The following OXR1 variants were observed in gnomAD, a reference collection of about 807,000 sequenced individuals.
The protein encoded by OXR1 is oxidation resistance protein 1.
In OXR1, 41 loss-of-function variants were observed where a neutral mutation model predicts 104.6. That is an observed-to-expected ratio of 0.39 (90% CI 0.31 to 0.51). OXR1 has a LOEUF of 0.51. OXR1 is among the 20% of genes least tolerant of loss of function. The pLI, the probability that OXR1 is intolerant of heterozygous loss-of-function variation, is 0.77. For missense variants in OXR1, 955 were observed against 1,031.9 expected (o/e 0.93, Z 1.02); for synonymous variants, 348 against 348.4 (o/e 1.00, Z 0.01).
intron 2 of OXR1, among the ~76,000 whole-genome samples, chr8:106,397,678 C>T (rs898352993): frequency 7.3e-5 from 11 of 151,696 alleles, no homozygotes; most frequent in Non-Finnish European, 8.8e-5. Context: ...AAGGTTTTAC[C>T]TCAACTTTTT....
chr8:106,305,934 G>A (rs1470305253), intron 1 of OXR1, among the ~76,000 whole-genome samples: 1 of 152,144 alleles, frequency 6.6e-6, no homozygotes, highest in African/African-American at 2.4e-5. Context: ...TACCTCAGGA[G>A]AGGATATAAG....
At chr8:106,351,044 T>G (rs2130307020) in intron 1 of OXR1, among the ~76,000 whole-genome samples, 1 of 152,316 alleles carries the variant, frequency 6.6e-6, no homozygotes, top group South Asian at 2.1e-4. Flanking sequence ...AGTATAGACA[T>G]TTTAGGAGTC....
At chr8:106,597,145 ATG>A (rs938427763) in intron 3 of OXR1, among the ~76,000 whole-genome samples, 10 of 152,138 alleles carry the variant, frequency 6.6e-5, no homozygotes, top group African/African-American at 2.2e-4. Context: ...TATGGTCTGA[ATG>A]TTTATGTCTC....
chr8:106,413,138 G>GA (rs11287871), intron 2 of OXR1, among the ~76,000 whole-genome samples: 18 of 150,120 alleles, frequency 1.2e-4, no homozygotes, highest in South Asian at 2.1e-4. Context: ...TACTTTTGTA[G>GA]AAAAAAAAAA....
chr8:106,531,764 G>A (rs1014893445), intron 3 of OXR1, among the ~76,000 whole-genome samples: 2 of 152,156 alleles, frequency 1.3e-5, no homozygotes, highest in African/African-American at 2.4e-5. Flanking sequence ...AAAAAGGTAC[G>A]TGGTGTGCTG....
In OXR1 at chr8:106,447,940, CG is replaced by C. The variant is rs1423506704; in HGVS notation, c.24-70999del. The stretch of plus-strand genomic sequence containing the variant: ...GGTGGAGCTAACGAGACATCTAGTA[CG>C]GGGCTCACAGGTAACAGAACTCTGA... On this transcript the variant is annotated intron_variant, in intron 2 of 16. Coordinates refer to ENST00000517566, the MANE Select transcript of OXR1 (RefSeq NM_001198533.2). The C allele has an allele frequency of 2.0e-6, 3 of 1,533,972 alleles. No individual in the cohort carries two copies. The African/African-American group carries it at 4.1e-5, about 21-fold the overall frequency.
At chr8:106,520,807 T>C (rs1813200198) in intron 3 of OXR1, among the ~76,000 whole-genome samples, 1 of 152,212 alleles carries the variant, frequency 6.6e-6, no homozygotes, top group South Asian at 2.1e-4. Flanking sequence ...ACACAATTAG[T>C]ATTTTTTCCT....
intron 1 of OXR1, among the ~76,000 whole-genome samples, chr8:106,336,433 T>C (rs1242142807): frequency 1.3e-5 from 2 of 152,232 alleles, no homozygotes; most frequent in African/African-American, 2.4e-5. Flanking sequence ...TCACTCCCTA[T>C]TGAAGCAGTA....
intron 1 of OXR1, among the ~76,000 whole-genome samples, chr8:106,278,805 G>A (rs906616947): frequency 2.0e-5 from 3 of 152,104 alleles, no homozygotes; most frequent in African/African-American, 7.2e-5. Flanking sequence ...ATAAATAAAT[G>A]TAAGTGCCTT....
chr8:106,387,423 T>C (rs1817421263), intron 2 of OXR1, among the ~76,000 whole-genome samples: 1 of 152,210 alleles, frequency 6.6e-6, no homozygotes, highest in Non-Finnish European at 1.5e-5. Flanking sequence ...TTTTCCAGGT[T>C]GCACTAGGAG....
intron 2 of OXR1, among the ~76,000 whole-genome samples, chr8:106,487,355 T>TTTTA (rs398009247): frequency 2.7e-5 from 4 of 149,864 alleles, no homozygotes; most frequent in Admixed American, 6.6e-5. Flanking sequence ...TTTTTTTTTT[T>TTTTA]ATGCTGTTTA....
chr8:106,651,250 A>T (rs1490032565), intron 3 of OXR1, among the ~76,000 whole-genome samples: 1 of 152,180 alleles, frequency 6.6e-6, no homozygotes, highest in East Asian at 1.9e-4. Context: ...AATGGTATTT[A>T]TTGGCAGATA....
intron 2 of OXR1, among the ~76,000 whole-genome samples, chr8:106,480,404 A>G (rs1822043087): frequency 6.6e-6 from 1 of 152,034 alleles, no homozygotes; most frequent in East Asian, 1.9e-4. Context: ...TTAACTTGGC[A>G]TATGGAAAAA....
At chr8:106,592,818 A>AT (rs1819200394) in intron 3 of OXR1, among the ~76,000 whole-genome samples, 1 of 152,170 alleles carries the variant, frequency 6.6e-6, no homozygotes, top group African/African-American at 2.4e-5. Flanking sequence ...CACCAACCTG[A>AT]TTTATGGTAT....
chr8:106,644,107 A>T (rs1823881622), intron 3 of OXR1, among the ~76,000 whole-genome samples: 1 of 152,222 alleles, frequency 6.6e-6, no homozygotes, highest in Admixed American at 6.5e-5. Flanking sequence ...CCAAATTTTT[A>T]AACTGGGAGG....
intron 3 of OXR1, among the ~76,000 whole-genome samples, chr8:106,574,193 C>G (rs2130580881): frequency 6.6e-6 from 1 of 152,012 alleles, no homozygotes; most frequent in Admixed American, 6.6e-5. Context: ...TACTAATTTG[C>G]TCCTATAAAA....
intron 11 of OXR1, among the ~76,000 whole-genome samples, chr8:106,714,327 G>T (rs553438959): frequency 7.9e-5 from 12 of 151,970 alleles, no homozygotes; most frequent in Non-Finnish European, 1.8e-4. Context: ...ATAAAACATC[G>T]ATTTCACATC....
chr8:106,443,289 T>A (rs189760751), intron 2 of OXR1, among the ~76,000 whole-genome samples: 1 of 150,988 alleles, frequency 6.6e-6, no homozygotes, highest in Non-Finnish European at 1.5e-5. Flanking sequence ...TAATTTCAGG[T>A]TTTTTTTTGC....
chr8:106,552,243 C>T (rs543167861), intron 3 of OXR1, among the ~76,000 whole-genome samples: 1 of 151,964 alleles, frequency 6.6e-6, no homozygotes, highest in South Asian at 2.1e-4. Context: ...TTTCTGCTTG[C>T]CTGTAGATCA....
Sources: gnomAD v4.1 joint callset for allele counts (sites outside exome capture counted in the v4.1 genomes callset) on GRCh38, gnomAD v4.1.1 for gene constraint, MANE v1.5 for transcripts, NCBI Gene and HGNC (gene_info 2026-07-23, HGNC 2026-07-21) for gene names.